The following DACH2 variants were observed in gnomAD, a reference collection of about 807,000 sequenced individuals.
The protein encoded by DACH2 is dachshund homolog 2.
A neutral mutation model predicts 35.8 loss-of-function variants in DACH2; 17 were observed. The ratio of observed to expected loss-of-function variants is 0.48; its 90% CI spans 0.33 to 0.71. The LOEUF is 0.71. Among genes scored for constraint, DACH2 ranks in the 30% least tolerant of loss-of-function variants. The pLI is 0.02. For synonymous variants in DACH2, 195 were observed against 177.3 expected, an observed-to-expected ratio of 1.10 and a Z score of -0.79; for missense variants, 469 against 472.7, an observed-to-expected ratio of 0.99 and a Z score of 0.07.
At chrX:86,335,742 C>T (rs2035295928) in intron 1 of DACH2, among the ~76,000 whole-genome samples, 1 of 111,567 alleles carries the variant, frequency 9.0e-6, no homozygotes, top group East Asian at 2.8e-4. Flanking sequence ...CTTTTTATTG[C>T]TTTCCTTTGC....
At chrX:86,463,062 A>T (rs758310308) in intron 2 of DACH2, among the ~76,000 whole-genome samples, 2 of 111,637 alleles carry the variant, frequency 1.8e-5, no homozygotes, top group East Asian at 5.6e-4. Context: ...GAAATTTTGG[A>T]ACAGATTCTG....
chrX:86,314,827 G>A (rs2034867005), intron 1 of DACH2, among the ~76,000 whole-genome samples: 1 of 111,820 alleles, frequency 8.9e-6, no homozygotes, highest in South Asian at 3.7e-4. Context: ...GCTGAGAGAG[G>A]TAAGACGCTG....
intron 1 of DACH2, among the ~76,000 whole-genome samples, chrX:86,330,537 GT>G (rs964747120): frequency 9.0e-6 from 1 of 111,387 alleles, no homozygotes; most frequent in Non-Finnish European, 1.9e-5. Flanking sequence ...CAAGAGCTTG[GT>G]CTTACTGTCT....
intron 3 of DACH2, among the ~76,000 whole-genome samples, chrX:86,592,466 G>A (rs935754633): frequency 9.0e-6 from 1 of 111,669 alleles, no homozygotes; most frequent in Non-Finnish European, 1.9e-5. Context: ...TCAGTCCTCT[G>A]ACTTTGCTTT....
intron 3 of DACH2, among the ~76,000 whole-genome samples, chrX:86,550,520 A>C (rs893502325): frequency 3.6e-5 from 4 of 110,577 alleles, no homozygotes; most frequent in Non-Finnish European, 7.6e-5. Context: ...TTAAATCACA[A>C]GGCCACCAAA....
At chrX:86,710,046 A>G (rs369585229) in intron 5 of DACH2, among the ~76,000 whole-genome samples, 2 of 112,235 alleles carry the variant, frequency 1.8e-5, no homozygotes, top group African/African-American at 3.2e-5. Flanking sequence ...ACTTAAGTTC[A>G]CACAAAAACC....
At chrX:86,651,274 A>T in intron 4 of DACH2, 107 bp downstream of exon 4, 1 of 834,091 alleles carries the variant, frequency 1.2e-6, no homozygotes, top group Non-Finnish European at 1.6e-6. Context: ...TACTTTGGTT[A>T]TAAAGATACT....
At chrX:86,767,370 G>A (rs149214651) in intron 7 of DACH2, among the ~76,000 whole-genome samples, 2 of 111,551 alleles carry the variant, frequency 1.8e-5, no homozygotes, top group East Asian at 5.6e-4. Context: ...CCTAGTTTGA[G>A]CATAATATCA....
chrX:86,677,975 G>T (rs1002158051), intron 4 of DACH2, among the ~76,000 whole-genome samples: 5 of 112,242 alleles, frequency 4.5e-5, no homozygotes, highest in South Asian at 3.6e-4. Flanking sequence ...AGGGTAAACA[G>T]CCATGAATGC....
intron 2 of DACH2, among the ~76,000 whole-genome samples, chrX:86,493,565 C>T (rs1314110861): frequency 9.0e-6 from 1 of 111,401 alleles, no homozygotes; most frequent in African/African-American, 3.3e-5. Context: ...TTTTCTCTCT[C>T]TCATGTATAT....
intron 4 of DACH2, among the ~76,000 whole-genome samples, chrX:86,662,366 G>A (rs964946315): frequency 3.6e-5 from 4 of 111,549 alleles, no homozygotes; most frequent in African/African-American, 1.3e-4. Context: ...GGCCGAGGCG[G>A]GCAGATCACG....
chrX:86,161,133 A>T, intron 1 of DACH2: 1 of 1,133,378 alleles, frequency 8.8e-7, no homozygotes, highest in Non-Finnish European at 1.2e-6. Context: ...GTAAGTGCTG[A>T]CTTCCTTAAC....
At chrX:86,161,768 A>T (rs1477932146) in intron 1 of DACH2, among the ~76,000 whole-genome samples, 1 of 111,980 alleles carries the variant, frequency 8.9e-6, no homozygotes, top group Admixed American at 9.5e-5. Context: ...ATATAGCCAC[A>T]TTCTTAAATT....
chrX:86,160,910 C>A, intron 1 of DACH2: 1 of 658,304 alleles, frequency 1.5e-6, no homozygotes, highest in South Asian at 2.3e-5. Context: ...CCTGGAGAGG[C>A]AGGCGCAAGG....
intron 3 of DACH2, among the ~76,000 whole-genome samples, chrX:86,567,343 T>C (rs936774071): frequency 5.4e-5 from 6 of 111,376 alleles, no homozygotes; most frequent in Non-Finnish European, 1.1e-4. Flanking sequence ...CAGAGGATAC[T>C]GGAACAGGAA....
intron 3 of DACH2, among the ~76,000 whole-genome samples, chrX:86,590,303 C>T (rs760589497): frequency 1.8e-5 from 2 of 112,157 alleles, no homozygotes; most frequent in Non-Finnish European, 3.8e-5. Flanking sequence ...CCCAGCCTTC[C>T]AGTCTCTTCT....
chrX:86,207,762 G>A (rs1028607335), intron 1 of DACH2, among the ~76,000 whole-genome samples: 3 of 110,563 alleles, frequency 2.7e-5, no homozygotes, highest in Non-Finnish European at 5.7e-5. Flanking sequence ...GGGTGTTGGC[G>A]CTAAAGTTTT....
chrX:86,471,442 T>G (rs1048548066), intron 2 of DACH2, among the ~76,000 whole-genome samples: 1 of 111,714 alleles, frequency 9.0e-6, no homozygotes, highest in African/African-American at 3.2e-5. Context: ...TAAATTCTGC[T>G]GTGCTTTTTC....
intron 2 of DACH2, among the ~76,000 whole-genome samples, chrX:86,451,663 A>G (rs921756176): frequency 9.0e-6 from 1 of 111,650 alleles, no homozygotes; most frequent in Admixed American, 9.6e-5. Context: ...GGCCATTTTC[A>G]CAATATTGAT....
Sources: gnomAD v4.1 joint callset for allele counts (sites outside exome capture counted in the v4.1 genomes callset) on GRCh38, gnomAD v4.1.1 for gene constraint, MANE v1.5 for transcripts, NCBI Gene and HGNC (gene_info 2026-07-23, HGNC 2026-07-21) for gene names.